Variants in LCLAT1 observed in about 807,000 individuals in gnomAD.
LCLAT1 encodes the protein lysocardiolipin acyltransferase 1.
LCLAT1 carries 11 observed loss-of-function variants against 30.7 expected under a neutral mutation model. That is an observed-to-expected ratio of 0.36 (90% CI 0.23 to 0.59). LCLAT1 has a LOEUF of 0.59. Ranked by LOEUF, LCLAT1 falls within the 20% of genes least tolerant of loss-of-function variation. The pLI is 0.77. For synonymous variants in LCLAT1, 155 were observed against 151.3 expected (o/e 1.02, Z -0.18); for missense variants, 402 against 458.6 (o/e 0.88, Z 1.13).
chr2:30,551,194 G>T (rs983831774), intron 3 of LCLAT1, among the ~76,000 whole-genome samples: 3 of 152,000 alleles, frequency 2.0e-5, no homozygotes, highest in African/African-American at 7.3e-5. Context: ...GTAGAGAAGT[G>T]GTGGGTATCG....
At chr2:30,553,747 G>A (rs1169506472) in intron 3 of LCLAT1, among the ~76,000 whole-genome samples, 2 of 152,032 alleles carry the variant, frequency 1.3e-5, no homozygotes, top group Non-Finnish European at 1.5e-5. Context: ...CCCGGGAAGC[G>A]GAGCTTGCAG....
chr2:30,583,672 GA>G, intron 5 of LCLAT1, among the ~76,000 whole-genome samples: 1 of 152,264 alleles, frequency 6.6e-6, no homozygotes, highest in Middle Eastern at 3.4e-3. Context: ...CAAATGGAGA[GA>G]AAAGAAGAAA....
At chr2:30,587,606 T>C (rs574579253) in intron 5 of LCLAT1, among the ~76,000 whole-genome samples, 2 of 152,206 alleles carry the variant, frequency 1.3e-5, no homozygotes, top group South Asian at 2.1e-4. Flanking sequence ...AATAGGCTTA[T>C]TATCTAATTT....
intron 3 of LCLAT1, among the ~76,000 whole-genome samples, chr2:30,560,108 G>A (rs144215441): frequency 2.8e-4 from 43 of 152,302 alleles, no homozygotes; most frequent in Middle Eastern, 3.4e-3. Context: ...ATGTGTGGGA[G>A]CGGGCAGTGT....
chr2:30,533,629 G>C (rs545500085), intron 3 of LCLAT1, among the ~76,000 whole-genome samples: 1 of 152,202 alleles, frequency 6.6e-6, no homozygotes, highest in Admixed American at 6.5e-5. Flanking sequence ...TTGTGATTTC[G>C]GCCAGAAACT....
chr2:30,605,362 AGTCT>A (rs1483440282), intron 5 of LCLAT1, among the ~76,000 whole-genome samples: 1 of 152,226 alleles, frequency 6.6e-6, no homozygotes, highest in Non-Finnish European at 1.5e-5. Context: ...TGACGTCAGT[AGTCT>A]GTCTGCTTCA....
intron 1 of LCLAT1, among the ~76,000 whole-genome samples, chr2:30,458,099 G>C (rs1247725784): frequency 2.0e-5 from 3 of 152,056 alleles, no homozygotes; most frequent in Non-Finnish European, 4.4e-5. Context: ...AGTTTCACTG[G>C]CAATAATTGG....
intron 1 of LCLAT1, among the ~76,000 whole-genome samples, chr2:30,475,168 AT>A (rs945922910): frequency 5.1e-4 from 74 of 145,896 alleles, no homozygotes; most frequent in African/African-American, 1.5e-3. Context: ...TGGTTAATAA[AT>A]TTTTTTTTTT....
intron 3 of LCLAT1, among the ~76,000 whole-genome samples, chr2:30,547,164 AGT>A (rs1311072954): frequency 6.6e-6 from 1 of 152,102 alleles, no homozygotes; most frequent in Non-Finnish European, 1.5e-5. Context: ...CTCTGCAGCT[AGT>A]GTGTTTGAAG....
chr2:30,457,295 A>T (rs936350170), intron 1 of LCLAT1, among the ~76,000 whole-genome samples: 2 of 152,194 alleles, frequency 1.3e-5, no homozygotes, highest in African/African-American at 2.4e-5. Context: ...AAGAAAAAAA[A>T]GTGTAGCAGT....
chr2:30,610,200 TA>T (rs1202862686), intron 5 of LCLAT1, among the ~76,000 whole-genome samples: 1 of 152,102 alleles, frequency 6.6e-6, no homozygotes, highest in Non-Finnish European at 1.5e-5. Context: ...TTTTTTTTTT[TA>T]GGTTTCCTTA....
intron 5 of LCLAT1, among the ~76,000 whole-genome samples, chr2:30,633,359 A>AT (rs1407755404): frequency 2.0e-5 from 3 of 152,186 alleles, no homozygotes; most frequent in Non-Finnish European, 4.4e-5. Context: ...TTTTATTTTA[A>AT]TTTTTTTAAA....
intron 3 of LCLAT1, among the ~76,000 whole-genome samples, chr2:30,556,381 A>G (rs1344855715): frequency 1.3e-5 from 2 of 152,162 alleles, no homozygotes; most frequent in African/African-American, 4.8e-5. Context: ...GCTCCTTTCC[A>G]CATTAGAGAA....
chr2:30,594,541 T>A (rs556522834), intron 5 of LCLAT1, among the ~76,000 whole-genome samples: 42 of 152,214 alleles, frequency 2.8e-4, no homozygotes, highest in Admixed American at 5.9e-4. Context: ...TAGCTCTGCG[T>A]GACTAAGATT....
intron 1 of LCLAT1, among the ~76,000 whole-genome samples, chr2:30,506,923 G>A (rs1558483302): frequency 1.3e-5 from 2 of 152,292 alleles, no homozygotes; most frequent in Non-Finnish European, 1.5e-5. Flanking sequence ...GTGTCTGGTT[G>A]TGAAGCTTAC....
chr2:30,530,835 C>T (rs1685946117), intron 2 of LCLAT1, among the ~76,000 whole-genome samples: 1 of 152,152 alleles, frequency 6.6e-6, no homozygotes, highest in Admixed American at 6.5e-5. Flanking sequence ...TGAGCCACCA[C>T]ACCCATCCCA....
chr2:30,496,014 G>A (rs1684092580), intron 1 of LCLAT1, among the ~76,000 whole-genome samples: 1 of 152,254 alleles, frequency 6.6e-6, no homozygotes, highest in East Asian at 1.9e-4. Context: ...GGCTGTACAG[G>A]AAGCTTGGCT....
At chr2:30,562,935 A>G (rs923421438) in intron 4 of LCLAT1, among the ~76,000 whole-genome samples, 1 of 152,180 alleles carries the variant, frequency 6.6e-6, no homozygotes, top group African/African-American at 2.4e-5. Flanking sequence ...TTTAAGCCCT[A>G]TCCTTGCTAC....
intron 1 of LCLAT1, among the ~76,000 whole-genome samples, chr2:30,451,405 A>C (rs1048556882): frequency 6.6e-6 from 1 of 152,222 alleles, no homozygotes; most frequent in African/African-American, 2.4e-5. Flanking sequence ...TCCTAGGTAT[A>C]CTCAAGAGAA....
Sources: allele counts gnomAD v4.1 joint callset (sites outside exome capture counted in the v4.1 genomes callset), GRCh38; gene constraint gnomAD v4.1.1; transcripts MANE v1.5; gene names NCBI Gene and HGNC (gene_info 2026-07-23, HGNC 2026-07-21).